The following CDC42EP3 variants were observed in gnomAD, a reference collection of about 807,000 sequenced individuals.
The protein encoded by CDC42EP3 is CDC42 effector protein (Rho GTPase binding) 3.
CDC42EP3 carries 4 observed loss-of-function variants against 15.5 expected under a neutral mutation model. That is an observed-to-expected ratio of 0.26 (90% CI 0.13 to 0.59). The LOEUF (loss-of-function observed/expected upper bound fraction) is 0.59, where lower values mean the gene tolerates loss of function less well. Ranked by LOEUF, CDC42EP3 falls within the 20% of genes least tolerant of loss-of-function variation. The probability of loss-of-function intolerance (pLI) is 0.89; values close to 1 mark genes in which losing one functional copy is unlikely to be tolerated. For synonymous variants in CDC42EP3, 145 were observed against 130.3 expected (o/e 1.11, Z -0.77); for missense variants, 309 against 311.2 (o/e 0.99, Z 0.05).
chr2:37,671,236 C>G (rs897199897), intron 1 of CDC42EP3, among the ~76,000 whole-genome samples, 190 bp downstream of exon 1: 1 of 152,358 alleles, frequency 6.6e-6, no homozygotes, highest in East Asian at 1.9e-4. Context: ...GCCGCCGGAC[C>G]CCCTCCTGGC....
Position 37,646,275 on chromosome 2 carries a change from T to G in CDC42EP3, c.313A>C (p.Asn105His). The G allele has an allele frequency of 6.2e-7, 1 of 1,614,092 alleles. No homozygotes were observed. The highest frequency in any genetic ancestry group is 8.5e-7 in the Non-Finnish European group (1 of 1,180,010). The stretch of plus-strand genomic sequence containing the variant: ...CCAATGGTCGGGAGGGAGATGGCAT[T>G]TTTGAGCACCGGGGAGGGCGTTTCT... ...FTETPSPVLK[N>H]AISLPTIGGS... The change falls in exon 2 of 2, where the codon AAT becomes CAT. Residue 105 changes from asparagine to histidine, a missense_variant. By Grantham distance (68) the Asn-to-His change is moderately conservative. Coordinates refer to ENST00000295324, the MANE Select transcript of CDC42EP3 (RefSeq NM_006449.5).
At chr2:37,665,391 A>G (rs943803067) in intron 1 of CDC42EP3, among the ~76,000 whole-genome samples, 1 of 151,770 alleles carries the variant, frequency 6.6e-6, no homozygotes, top group Non-Finnish European at 1.5e-5. Flanking sequence ...CTGGTCAGCC[A>G]AAGGCTTAGA....
At chr2:37,669,960 C>T (rs1432203117) in intron 1 of CDC42EP3, among the ~76,000 whole-genome samples, 1 of 152,230 alleles carries the variant, frequency 6.6e-6, no homozygotes, top group Admixed American at 6.5e-5. Flanking sequence ...GCATCACACA[C>T]ATACCTGTGT....
At chr2:37,648,298 T>G (rs1665542018) in intron 1 of CDC42EP3, among the ~76,000 whole-genome samples, 1 of 152,214 alleles carries the variant, frequency 6.6e-6, no homozygotes, top group Non-Finnish European at 1.5e-5. Context: ...AGCCTGCAAA[T>G]AAATACTCCA....
In CDC42EP3 at chr2:37,642,237, T is replaced by C. The variant is rs966458895; in HGVS notation, c.*3586A>G. 3 of 152,204 alleles carry C rather than the reference T, an allele frequency of 2.0e-5. No individual in the cohort carries two copies. The highest frequency in any genetic ancestry group is 4.4e-5 in the Non-Finnish European group (3 of 68,026). The allele number at this position is 152,204 out of a possible 1,614,324, so 9.4% of individuals were successfully genotyped here. A position where few individuals can be genotyped will look rare whatever the true frequency, so the allele number is the denominator to read the frequency against. ...TCAACCAAAAGACCATCTCCTCCTT[T>C]AGGAAATACATGTATTGCTTAGCCA... On this transcript the variant is annotated 3_prime_UTR_variant, in exon 2 of 2. Transcript: ENST00000295324.
intron 1 of CDC42EP3, among the ~76,000 whole-genome samples, chr2:37,656,596 T>C (rs1273540674): frequency 6.6e-6 from 1 of 152,254 alleles, no homozygotes; most frequent in Non-Finnish European, 1.5e-5. Context: ...GCTCAGAGCA[T>C]ACCTCTTAGG....
intron 1 of CDC42EP3, among the ~76,000 whole-genome samples, chr2:37,653,356 G>A (rs1366649059): frequency 3.3e-5 from 5 of 152,336 alleles, no homozygotes; most frequent in Admixed American, 6.5e-5. Flanking sequence ...GGAAGGAAGA[G>A]AGCCGGGTTG....
In CDC42EP3 at chr2:37,644,703, T is replaced by A. The variant is rs572370645; in HGVS notation, c.*1120A>T. 2.6e-5 allele frequency: 4 copies of A among 151,908 alleles called. No individual in the cohort carries two copies. In the East Asian group the frequency reaches 7.8e-4, roughly 29 times the overall value. The allele number at this position is 151,908 out of a possible 1,614,324, so 9.4% of individuals were successfully genotyped here. ...GCTCAGTTTCTAGCCTCTCAAACCA[T>A]AAGGAAGTAATCAAAATGAGAGTAG... On this transcript the variant is annotated 3_prime_UTR_variant, in exon 2 of 2. Transcript: ENST00000295324.
rs893569047 is a variant in CDC42EP3 at position 37,642,538 on chromosome 2, A to G, written c.*3285T>C. The G allele has an allele frequency of 6.6e-6, 1 of 152,222 alleles. No homozygotes were observed. The highest frequency in any genetic ancestry group is 1.5e-5 in the Non-Finnish European group (1 of 68,034). The allele number at this position is 152,222 out of a possible 1,614,324, so 9.4% of individuals were successfully genotyped here. On this transcript the variant is annotated 3_prime_UTR_variant, in exon 2 of 2. Transcript: ENST00000295324. ...CTAGATTTGGGGCTAGGTTAACCTC[A>G]TTTCCAAAAGAAAAACTCTTACTGG...
upstream of CDC42EP3, chr2:37,672,438 G>A (rs1666464680): frequency 6.6e-6 from 1 of 152,270 alleles, no homozygotes; most frequent in Admixed American, 6.5e-5. Flanking sequence ...TGCCCCAGAC[G>A]CGCGACGAGG....
intron 1 of CDC42EP3, among the ~76,000 whole-genome samples, chr2:37,654,384 A>G (rs561358325): frequency 1.3e-4 from 20 of 152,296 alleles, no homozygotes; most frequent in African/African-American, 4.8e-4. Context: ...TAGAAAGAGA[A>G]AACTAATCTT....
intron 1 of CDC42EP3, among the ~76,000 whole-genome samples, chr2:37,649,329 C>T (rs1275109970): frequency 6.6e-6 from 1 of 151,706 alleles, no homozygotes; most frequent in Admixed American, 6.6e-5. Context: ...GTAGCACACA[C>T]CTGCAGTCTT....
rs201597407 is a variant in CDC42EP3, at chr2:37,669,104, CAAT to C, written c.-236+2319_-236+2321del. ...TGACTGAAAGCAAGAATCTGAATAA[CAAT>C]AATAATAATAATAATACGATCAGAG... On this transcript the variant is annotated intron_variant, in intron 1 of 1. Coordinates refer to ENST00000295324, the MANE Select transcript of CDC42EP3 (RefSeq NM_006449.5). Among the ~76,000 whole-genome samples, 20 of 151,386 alleles carry C rather than the reference CAAT, an allele frequency of 1.3e-4. No homozygotes were observed. The East Asian group carries it at 2.5e-3, about 19-fold the overall frequency.
intron 1 of CDC42EP3, among the ~76,000 whole-genome samples, chr2:37,656,770 T>C (rs1190441466): frequency 6.6e-6 from 1 of 152,034 alleles, no homozygotes; most frequent in Non-Finnish European, 1.5e-5. Context: ...CAAGAGGAAA[T>C]GACACACCAA....
rs1266908565 is a variant in CDC42EP3 at position 37,645,864 on chromosome 2, G to C, written c.724C>G (p.Leu242Val). 6.4e-7 allele frequency: 1 copy of C among 1,569,052 alleles called. No individual in the cohort carries two copies. The highest frequency in any genetic ancestry group is 8.6e-7 in the Non-Finnish European group (1 of 1,162,570). Reference protein sequence around the residue: ...LSLQLDLGPSLLDEVLNVMDK... With the variant: ...LSLQLDLGPSVLDEVLNVMDK... The stretch of plus-strand genomic sequence containing the variant: ...ATTACATTCAGCACCTCATCCAAAA[G>C]TGAGGGCCCAAGATCAAGCTGCAGG... Residue 242 changes from leucine (L) to valine (V), a missense_variant, in exon 2 of 2, where the codon CTT becomes GTT. Leu to Val is a conservative substitution (Grantham distance 32). Transcript: ENST00000295324.
At chr2:37,670,872 GAAAACAA>G (rs762355356) in intron 1 of CDC42EP3, among the ~76,000 whole-genome samples, 2 of 152,050 alleles carry the variant, frequency 1.3e-5, no homozygotes, top group East Asian at 1.9e-4. Context: ...AGAAAGGGAA[GAAAACAA>G]AAAACAAAAA....
chr2:37,671,951 G>C (rs968769497), upstream of CDC42EP3: 1 of 152,160 alleles, frequency 6.6e-6, no homozygotes, highest in African/African-American at 2.4e-5. Context: ...AAGAAAGGTC[G>C]CCGGACGCTC....
At chr2:37,666,801 T>C (rs1442233327) in intron 1 of CDC42EP3, among the ~76,000 whole-genome samples, 1 of 135,490 alleles carries the variant, frequency 7.4e-6, no homozygotes, top group Non-Finnish European at 1.6e-5. Context: ...CTGAAGTATA[T>C]CAAGGAGAAA....
intron 1 of CDC42EP3, among the ~76,000 whole-genome samples, chr2:37,664,202 A>G (rs1397590991): frequency 6.6e-6 from 1 of 152,172 alleles, no homozygotes; most frequent in Non-Finnish European, 1.5e-5. Context: ...ACAAGCAGGC[A>G]GAGGAACGTG....
Sources: allele counts gnomAD v4.1 joint callset (sites outside exome capture counted in the v4.1 genomes callset), GRCh38; gene constraint gnomAD v4.1.1; transcripts MANE v1.5; gene names NCBI Gene and HGNC (gene_info 2026-07-23, HGNC 2026-07-21).